Variants in SLC10A7 observed in about 807,000 individuals in gnomAD.
The protein encoded by SLC10A7 is sodium/bile acid cotransporter 7.
Under a neutral mutation model 43.2 loss-of-function variants are expected in SLC10A7, and 29 were observed. The observed-to-expected ratio is 0.67, with a 90% CI of 0.50 to 0.92. SLC10A7 has a LOEUF of 0.92. Among genes scored for constraint, SLC10A7 ranks in the 40% least tolerant of loss-of-function variants. The probability of loss-of-function intolerance (pLI) is 0.00; values close to 1 mark genes in which losing one functional copy is unlikely to be tolerated. For missense variants in SLC10A7, 295 were observed against 403.2 expected, an observed-to-expected ratio of 0.73 and a Z score of 2.30; for synonymous variants, 152 against 144.8, an observed-to-expected ratio of 1.05 and a Z score of -0.35.
rs185485811 is a variant in SLC10A7 at position 146,406,377 on chromosome 4, G to A, written c.435+36406C>T. The stretch of plus-strand genomic sequence containing the variant: ...TTAAAATTTTGCTTTTAAGCCTATC[G>A]CTGAATACCTAATATATAAACCAAT... On this transcript the variant is annotated intron_variant, in intron 5 of 11. Transcript: ENST00000335472. Among the ~76,000 whole-genome samples, 8 of 152,146 alleles carry A rather than the reference G, an allele frequency of 5.3e-5. No homozygotes were observed. The East Asian group carries it at 7.7e-4, about 15-fold the overall frequency.
At position 146,441,742 on chromosome 4, in the gene SLC10A7, A is replaced by G. The variant is rs1730620726; in HGVS notation, c.435+1041T>C. On this transcript the variant is annotated intron_variant, in intron 5 of 11. Coordinates refer to ENST00000335472, the MANE Select transcript of SLC10A7 (RefSeq NM_001029998.6). ...AAAAACCATTACTGGCTCTATAAAA[A>G]TAGGATATAAGCTATGCATATATTT... is the stretch of plus-strand genomic sequence containing the variant. 5.1e-6 allele frequency: 5 copies of G among 985,270 alleles called. No homozygotes were observed. In the South Asian group the frequency reaches 1.9e-4, roughly 37 times the overall value. The allele number at this position is 985,270 out of a possible 1,614,324, so 61.0% of individuals were successfully genotyped here.
intron 5 of SLC10A7, among the ~76,000 whole-genome samples, chr4:146,427,294 C>G (rs963095357): frequency 6.6e-6 from 1 of 152,116 alleles, no homozygotes; most frequent in South Asian, 2.1e-4. Context: ...GTGATGCTGC[C>G]ACTGCACACC....
chr4:146,447,225 T>A (rs1185359898), intron 4 of SLC10A7, among the ~76,000 whole-genome samples: 1 of 152,194 alleles, frequency 6.6e-6, no homozygotes, highest in African/African-American at 2.4e-5. Flanking sequence ...CAGAGCAGTA[T>A]GACTGTAAAC....
At chr4:146,293,859 G>T in intron 8 of SLC10A7, 71 bp downstream of exon 8, 2 of 974,106 alleles carry the variant, frequency 2.1e-6, no homozygotes, top group East Asian at 2.7e-5. Context: ...TGAATTTAGA[G>T]AACACACAGT....
chr4:146,500,962 C>T (rs1403283787), intron 4 of SLC10A7, among the ~76,000 whole-genome samples: 2 of 152,214 alleles, frequency 1.3e-5, no homozygotes, highest in African/African-American at 4.8e-5. Flanking sequence ...AGACCCTCCT[C>T]TTCAAACACT....
intron 10 of SLC10A7, among the ~76,000 whole-genome samples, chr4:146,263,228 T>C (rs1323235732): frequency 6.6e-6 from 1 of 152,214 alleles, no homozygotes; most frequent in African/African-American, 2.4e-5. Flanking sequence ...TTAGATCCTT[T>C]CCACTCCATG....
intron 4 of SLC10A7, among the ~76,000 whole-genome samples, chr4:146,460,112 C>G (rs6850826): frequency 0.53 from 80,871 of 151,574 alleles, 22,157 homozygotes; most frequent in East Asian, 0.65. Flanking sequence ...TAGTAGAGAA[C>G]TATTAATTAA....
chr4:146,515,933 A>C (rs970472012), intron 2 of SLC10A7, among the ~76,000 whole-genome samples: 2 of 127,508 alleles, frequency 1.6e-5, no homozygotes. Flanking sequence ...AAAAAAAAAA[A>C]ACCCAATGAA....
intron 5 of SLC10A7, among the ~76,000 whole-genome samples, chr4:146,355,305 C>A (rs1214644693): frequency 6.6e-6 from 1 of 152,146 alleles, no homozygotes; most frequent in African/African-American, 2.4e-5. Flanking sequence ...TCATCACTGG[C>A]CATCAGAGAA....
intron 5 of SLC10A7, among the ~76,000 whole-genome samples, chr4:146,421,449 T>C (rs1459065490): frequency 1.3e-5 from 2 of 152,180 alleles, no homozygotes; most frequent in Non-Finnish European, 2.9e-5. Context: ...ATAAACACAT[T>C]GCTACCAGGC....
At chr4:146,489,576 T>C (rs751736283) in intron 4 of SLC10A7, among the ~76,000 whole-genome samples, 1 of 152,188 alleles carries the variant, frequency 6.6e-6, no homozygotes, top group Non-Finnish European at 1.5e-5. Context: ...TCATCCCTTA[T>C]TGTGCAAGGG....
At chr4:146,293,094 CAAAT>C (rs769947966) in intron 8 of SLC10A7, 114 bp from the exon 9 acceptor site, 19 of 610,410 alleles carry the variant, frequency 3.1e-5, no homozygotes, top group Non-Finnish European at 5.2e-5. Flanking sequence ...GAAAAACAAA[CAAAT>C]AAACCAAACA....
At chr4:146,507,325 G>A (rs991643626) in intron 3 of SLC10A7, among the ~76,000 whole-genome samples, 7 of 152,164 alleles carry the variant, frequency 4.6e-5, no homozygotes, top group Non-Finnish European at 1.0e-4. Context: ...ACTTTGGGAG[G>A]CTGAGGTGGG....
chr4:146,358,958 C>G (rs1735853542), intron 5 of SLC10A7, among the ~76,000 whole-genome samples: 1 of 152,084 alleles, frequency 6.6e-6, no homozygotes, highest in Non-Finnish European at 1.5e-5. Flanking sequence ...AAACAATTTC[C>G]CAAAGTACTT....
rs1040748091 is a variant in SLC10A7, at chr4:146,506,481, A to G, written c.321-2557T>C. ...CTTTTCTCATTGTGACTCACTTTTG[A>G]CCTTTAAAGAGTGCCTGCCTCCATG... On this transcript the variant is annotated intron_variant, in intron 3 of 11. Transcript: ENST00000335472. 5.3e-5 allele frequency among the ~76,000 whole-genome samples: 8 copies of G among 152,130 alleles called. No homozygotes were observed. In the South Asian group the frequency reaches 6.2e-4, roughly 12 times the overall value.
intron 4 of SLC10A7, among the ~76,000 whole-genome samples, chr4:146,484,944 G>C (rs1318839247): frequency 6.6e-6 from 1 of 152,034 alleles, no homozygotes; most frequent in Non-Finnish European, 1.5e-5. Context: ...TAATAATATA[G>C]GCAGATCCTT....
At chr4:146,452,002 A>C (rs1354939708) in intron 4 of SLC10A7, among the ~76,000 whole-genome samples, 2 of 152,094 alleles carry the variant, frequency 1.3e-5, no homozygotes, top group African/African-American at 4.8e-5. Context: ...GTATATGAGA[A>C]AAATAAGTCC....
Position 146,256,490 on chromosome 4 carries a change from G to T in SLC10A7, c.*1C>A. On this transcript the variant is annotated 3_prime_UTR_variant, in exon 12 of 12. Transcript: ENST00000335472. ...TTGCTACAGAAAGTCCACCTCCTTT[G>T]TTATACTGTCGGCCTTGTCAGCTTC... 3 of 1,613,990 alleles carry T rather than the reference G, an allele frequency of 1.9e-6. No homozygotes were observed. Among genetic ancestry groups the T allele is most frequent in the Non-Finnish European group, 2.5e-6 (3 of 1,179,900 alleles).
At chr4:146,380,887 A>G (rs183356964) in intron 5 of SLC10A7, among the ~76,000 whole-genome samples, 84 of 152,314 alleles carry the variant, frequency 5.5e-4, no homozygotes, top group African/African-American at 1.9e-3. Context: ...GTTAAAAAAA[A>G]TAGATAATTT....
Sources: allele counts gnomAD v4.1 joint callset (sites outside exome capture counted in the v4.1 genomes callset), GRCh38; gene constraint gnomAD v4.1.1; transcripts MANE v1.5; gene names NCBI Gene and HGNC (gene_info 2026-07-23, HGNC 2026-07-21).